The following EYA2 variants were observed in gnomAD, a reference collection of about 807,000 sequenced individuals.
EYA2 encodes EYA transcriptional coactivator and phosphatase 2.
Under a neutral mutation model 69.2 loss-of-function variants are expected in EYA2, and 31 were observed. That is an observed-to-expected ratio of 0.45 (90% confidence interval 0.34 to 0.60). The LOEUF is 0.60. Among genes scored for constraint, EYA2 ranks in the 20% least tolerant of loss-of-function variants. The probability of loss-of-function intolerance (pLI) is 0.02; values close to 1 mark genes in which losing one functional copy is unlikely to be tolerated. For missense variants in EYA2, 622 were observed against 701.2 expected, an observed-to-expected ratio of 0.89 and a Z score of 1.28; for synonymous variants, 257 against 279.4, an observed-to-expected ratio of 0.92 and a Z score of 0.80.
chr20:47,125,127 C>G (rs1469115819), intron 9 of EYA2, among the ~76,000 whole-genome samples: 1 of 146,620 alleles, frequency 6.8e-6, no homozygotes, highest in African/African-American at 2.5e-5. Flanking sequence ...TATCTCGGCT[C>G]ACTGCAAGCT....
intron 1 of EYA2, among the ~76,000 whole-genome samples, chr20:46,988,624 C>T (rs1423382657): frequency 6.6e-6 from 1 of 152,196 alleles, no homozygotes; most frequent in Non-Finnish European, 1.5e-5. Flanking sequence ...TAGTTCAGAC[C>T]TTGGAAAATT....
chr20:47,073,368 C>T (rs113457059), intron 6 of EYA2, among the ~76,000 whole-genome samples: 1 of 151,998 alleles, frequency 6.6e-6, no homozygotes, highest in East Asian at 1.9e-4. Context: ...TATTCTGGAC[C>T]CCTAATGCTG....
chr20:46,985,098 A>G (rs1981098274), intron 1 of EYA2, among the ~76,000 whole-genome samples: 1 of 152,254 alleles, frequency 6.6e-6, no homozygotes, highest in South Asian at 2.1e-4. Context: ...TACATATTTA[A>G]TATGTCAGAG....
chr20:46,991,382 A>G (rs1287463578), intron 2 of EYA2, among the ~76,000 whole-genome samples: 4 of 152,166 alleles, frequency 2.6e-5, no homozygotes, highest in African/African-American at 4.8e-5. Flanking sequence ...TGGGGGCATA[A>G]TGGCGTACTT....
chr20:46,956,409 T>G (rs1022808889), intron 1 of EYA2, among the ~76,000 whole-genome samples: 37 of 152,194 alleles, frequency 2.4e-4, no homozygotes, highest in African/African-American at 8.7e-4. Context: ...AATGGATCTC[T>G]CACCTAAGGA....
intron 9 of EYA2, among the ~76,000 whole-genome samples, chr20:47,141,876 C>T (rs1340258360): frequency 6.6e-6 from 1 of 152,194 alleles, no homozygotes; most frequent in African/African-American, 2.4e-5. Flanking sequence ...CGTATGTGCT[C>T]CTTCTTGTAG....
At chr20:47,146,448 T>C (rs981745896) in intron 10 of EYA2, among the ~76,000 whole-genome samples, 1 of 152,240 alleles carries the variant, frequency 6.6e-6, no homozygotes, top group Admixed American at 6.5e-5. Flanking sequence ...GTTGCACCTC[T>C]GGAAGGAGGA....
chr20:47,085,635 ACT>A (rs1408828136), intron 7 of EYA2, among the ~76,000 whole-genome samples: 2 of 150,260 alleles, frequency 1.3e-5, no homozygotes, highest in Non-Finnish European at 2.9e-5. Flanking sequence ...ACAGAGGGAG[ACT>A]CTGTCTCAAA....
At chr20:47,043,420 A>T (rs1251918950) in intron 5 of EYA2, among the ~76,000 whole-genome samples, 1 of 152,150 alleles carries the variant, frequency 6.6e-6, no homozygotes, top group African/African-American at 2.4e-5. Context: ...AACACAGCCA[A>T]GGACTGGAAG....
intron 1 of EYA2, among the ~76,000 whole-genome samples, chr20:46,952,315 C>T (rs755081560): frequency 3.2e-4 from 48 of 151,986 alleles, no homozygotes; most frequent in Non-Finnish European, 6.5e-4. Context: ...TGGAGGGTGG[C>T]GGGATCTGAG....
intron 9 of EYA2, among the ~76,000 whole-genome samples, chr20:47,127,195 A>G (rs2033213697): frequency 1.3e-5 from 2 of 152,180 alleles, no homozygotes; most frequent in Non-Finnish European, 1.5e-5. Flanking sequence ...AGTGCCACTA[A>G]CTGTTCTCAA....
At chr20:47,054,227 G>A (rs2030489069) in intron 5 of EYA2, among the ~76,000 whole-genome samples, 1 of 152,132 alleles carries the variant, frequency 6.6e-6, no homozygotes, top group South Asian at 2.1e-4. Context: ...TCTCCAACTT[G>A]ACCCTGATGC....
chr20:46,906,735 G>A (rs1040503016), intron 1 of EYA2, among the ~76,000 whole-genome samples: 4 of 152,164 alleles, frequency 2.6e-5, no homozygotes, highest in African/African-American at 9.7e-5. Context: ...AAGTGCAGGG[G>A]TAGAGCCAGG....
At chr20:46,972,220 A>G (rs1043786824) in intron 1 of EYA2, among the ~76,000 whole-genome samples, 1 of 152,250 alleles carries the variant, frequency 6.6e-6, no homozygotes, top group Non-Finnish European at 1.5e-5. Flanking sequence ...TAACAGCAAA[A>G]AGGATAATGT....
intron 9 of EYA2, among the ~76,000 whole-genome samples, chr20:47,114,166 A>G (rs952463303): frequency 1.3e-5 from 2 of 152,182 alleles, no homozygotes; most frequent in African/African-American, 4.8e-5. Flanking sequence ...CCCTGGGGGC[A>G]GGGCAGGTGA....
At chr20:47,147,029 T>A (rs961568868) in intron 10 of EYA2, among the ~76,000 whole-genome samples, 1 of 151,498 alleles carries the variant, frequency 6.6e-6, no homozygotes, top group Non-Finnish European at 1.5e-5. Flanking sequence ...TTTTTACTTG[T>A]TATATCCAGG....
In EYA2 at chr20:47,172,836, G is replaced by A. The variant is rs767466984; in HGVS notation, c.1167G>A (p.Glu389=). The A allele has an allele frequency of 1.2e-6, 2 of 1,613,740 alleles. No individual in the cohort carries two copies. The highest frequency in any genetic ancestry group is 2.2e-5 in the South Asian group (2 of 91,004). ...KLAFRYRRVK[E]MYNTYKNNVG... ...CCTTCCGCTACCGGCGGGTGAAGGAGATGTACAATACCTACAAGAACAACG... is the reference window on the plus strand; with the variant it reads ...CCTTCCGCTACCGGCGGGTGAAGGAAATGTACAATACCTACAAGAACAACG... Residue 389 remains glutamate, a synonymous_variant, in exon 12 of 16, where the codon GAG becomes GAA. Transcript: ENST00000327619.
At chr20:46,987,299 A>G (rs778908888) in intron 1 of EYA2, among the ~76,000 whole-genome samples, 2 of 152,198 alleles carry the variant, frequency 1.3e-5, no homozygotes, top group African/African-American at 2.4e-5. Flanking sequence ...TCATTTTCAC[A>G]TATTATGAAA....
At chr20:46,939,969 C>A (rs1986084261) in intron 1 of EYA2, among the ~76,000 whole-genome samples, 1 of 152,166 alleles carries the variant, frequency 6.6e-6, no homozygotes, top group East Asian at 1.9e-4. Context: ...AGGGACAGTA[C>A]TGAGCATATA....
Sources: gnomAD v4.1 joint callset for allele counts (sites outside exome capture counted in the v4.1 genomes callset) on GRCh38, gnomAD v4.1.1 for gene constraint, MANE v1.5 for transcripts, NCBI Gene and HGNC (gene_info 2026-07-23, HGNC 2026-07-21) for gene names.